PPP2R2B: variants seen among roughly 807,000 people sequenced by gnomAD.
The protein encoded by PPP2R2B is serine/threonine-protein phosphatase 2A 55 kDa regulatory subunit B beta isoform.
Under a neutral mutation model 46.0 loss-of-function variants are expected in PPP2R2B, and 5 were observed. The ratio of observed to expected loss-of-function variants is 0.11; its 90% CI spans 0.06 to 0.23. The LOEUF is 0.23. Among genes scored for constraint, PPP2R2B ranks in the 10% least tolerant of loss-of-function variants. The pLI, the probability that PPP2R2B is intolerant of heterozygous loss-of-function variation, is 1.00. For missense variants in PPP2R2B, 367 were observed against 575.0 expected, an observed-to-expected ratio of 0.64 and a Z score of 3.70; for synonymous variants, 215 against 206.7, an observed-to-expected ratio of 1.04 and a Z score of -0.34.
chr5:147,036,831 T>G (rs1580838455), intron 1 of PPP2R2B, among the ~76,000 whole-genome samples: 1 of 152,292 alleles, frequency 6.6e-6, no homozygotes, highest in South Asian at 2.1e-4. Context: ...TTTGTGAAAT[T>G]TAGTAATGGC....
At chr5:146,659,159 G>T (rs941503655) in intron 5 of PPP2R2B, among the ~76,000 whole-genome samples, 1 of 152,128 alleles carries the variant, frequency 6.6e-6, no homozygotes, top group Non-Finnish European at 1.5e-5. Flanking sequence ...CTTTTAGTGG[G>T]TATTGGTGAG....
At chr5:146,728,652 A>G (rs1752032754) in intron 2 of PPP2R2B, among the ~76,000 whole-genome samples, 1 of 152,084 alleles carries the variant, frequency 6.6e-6, no homozygotes. Flanking sequence ...TGTGGGAGGG[A>G]CCCAGGGGGA....
intron 2 of PPP2R2B, among the ~76,000 whole-genome samples, chr5:147,073,400 C>T (rs555558797): frequency 6.6e-6 from 1 of 152,270 alleles, no homozygotes; most frequent in South Asian, 2.1e-4. Context: ...AGAAAAAATG[C>T]TTTCATCTTG....
At chr5:146,895,990 G>A in intron 1 of PPP2R2B, among the ~76,000 whole-genome samples, 1 of 152,002 alleles carries the variant, frequency 6.6e-6, no homozygotes, top group East Asian at 1.9e-4. Context: ...GGTCATTACT[G>A]TTTGACAATT....
At chr5:147,056,010 C>T (rs1757070512), upstream of PPP2R2B, 3 of 1,307,110 alleles carry the variant, frequency 2.3e-6, no homozygotes, top group African/African-American at 1.5e-5. Context: ...GGCTGAAGCT[C>T]CTCTGAACAG....
intron 2 of PPP2R2B, among the ~76,000 whole-genome samples, chr5:146,833,027 A>C (rs1352966930): frequency 1.3e-5 from 2 of 151,868 alleles, no homozygotes; most frequent in African/African-American, 2.4e-5. Flanking sequence ...TTTCATTCTC[A>C]TTTTCATGCT....
At chr5:146,879,627 C>G (rs1051559982), upstream of PPP2R2B, among the ~76,000 whole-genome samples, 2 of 152,078 alleles carry the variant, frequency 1.3e-5, no homozygotes, top group Non-Finnish European at 2.9e-5. Context: ...AGAGACCTGT[C>G]TTCCTACTTC....
rs913177728 is a variant in PPP2R2B, at chr5:146,589,663, A to G, written c.*284T>C. On this transcript the variant is annotated 3_prime_UTR_variant, in exon 10 of 10. Coordinates refer to ENST00000394411, the MANE Select transcript of PPP2R2B (RefSeq NM_181675.4). ...GAACAAAACACTGGACCCACCAGAG[A>G]AAACTGGGCAATAAAAGCATCAGAA... 10 of 380,374 alleles carry G rather than the reference A, an allele frequency of 2.6e-5. No homozygotes were observed. Among genetic ancestry groups the G allele is most frequent in the Admixed American group, 2.5e-4 (6 of 23,888 alleles). 23.6% of individuals were successfully genotyped at this position (380,374 alleles called of 1,614,324 possible).
chr5:146,961,123 A>G (rs1206051175), intron 1 of PPP2R2B, among the ~76,000 whole-genome samples: 1 of 152,190 alleles, frequency 6.6e-6, no homozygotes, highest in Non-Finnish European at 1.5e-5. Context: ...TACTGTAAAT[A>G]TGTATTTGCA....
intron 7 of PPP2R2B, among the ~76,000 whole-genome samples, chr5:146,624,807 T>C (rs1174062337): frequency 2.6e-5 from 4 of 152,180 alleles, no homozygotes; most frequent in Non-Finnish European, 2.9e-5. Context: ...ATGTAGCTCT[T>C]CCTGCCTCCT....
intron 5 of PPP2R2B, among the ~76,000 whole-genome samples, 157 bp from the exon 6 acceptor site, chr5:146,650,881 G>C (rs529569650): frequency 3.8e-4 from 58 of 152,274 alleles, no homozygotes; most frequent in African/African-American, 1.4e-3. Context: ...ATCACACACT[G>C]TTCTTGTTCC....
chr5:146,960,516 C>T (rs566144930), intron 1 of PPP2R2B, among the ~76,000 whole-genome samples: 9 of 152,230 alleles, frequency 5.9e-5, no homozygotes, highest in Middle Eastern at 3.4e-3. Flanking sequence ...TCTCAAACTC[C>T]TGAACTCGTG....
intron 2 of PPP2R2B, among the ~76,000 whole-genome samples, chr5:146,771,336 G>C (rs1028965629): frequency 6.6e-6 from 1 of 152,162 alleles, no homozygotes; most frequent in African/African-American, 2.4e-5. Flanking sequence ...TAAAGTCTCA[G>C]CTTCTGATCA....
In PPP2R2B at chr5:146,966,721, G is replaced by A. The variant is rs116553875; in HGVS notation, c.79+88944C>T. Reference sequence around the variant, plus strand: ...TAACACTGGGCCTGGCACAGCGTAGGAGCACAAAAATATGTGTAGCCTATA... The same window carrying A: ...TAACACTGGGCCTGGCACAGCGTAGAAGCACAAAAATATGTGTAGCCTATA... On this transcript the variant is annotated intron_variant, in intron 1 of 8. Coordinates refer to the PPP2R2B transcript ENST00000336640. 3.2e-3 allele frequency among the ~76,000 whole-genome samples: 492 copies of A among 152,218 alleles called. 3 individuals carry two copies. The highest frequency in any genetic ancestry group is 6.9e-3 in the Admixed American group (105 of 15,298).
chr5:146,819,874 A>G (rs898387149), intron 2 of PPP2R2B, among the ~76,000 whole-genome samples: 3 of 152,188 alleles, frequency 2.0e-5, no homozygotes, highest in Admixed American at 6.5e-5. Context: ...GTATAATACA[A>G]TGGAGTACTA....
chr5:147,055,702 A>T (rs1757053083), exon 1 of PPP2R2B: 1 of 1,613,042 alleles, frequency 6.2e-7, no homozygotes, highest in South Asian at 1.1e-5. Context: ...TGGTGTTCGG[A>T]GGTCTGAAGA....
chr5:146,940,766 C>A (rs1033718310), intron 1 of PPP2R2B, among the ~76,000 whole-genome samples: 4 of 152,152 alleles, frequency 2.6e-5, no homozygotes, highest in African/African-American at 7.2e-5. Flanking sequence ...ATATCCTCCC[C>A]ATGCATCCAC....
chr5:146,917,066 T>TAA (rs929311009), intron 1 of PPP2R2B, among the ~76,000 whole-genome samples: 2 of 152,194 alleles, frequency 1.3e-5, no homozygotes, highest in African/African-American at 4.8e-5. Context: ...TTATTACAAA[T>TAA]AATCCCTATA....
At position 146,581,680 on chromosome 5, in the gene PPP2R2B, C is replaced by G. The variant is rs1396746674; in HGVS notation, c.*8267G>C. The G allele has an allele frequency of 6.6e-6, 1 of 152,162 alleles. No homozygotes were observed. The highest frequency in any genetic ancestry group is 1.5e-5 in the Non-Finnish European group (1 of 68,040). The allele number at this position is 152,162 out of a possible 1,614,324, so 9.4% of individuals were successfully genotyped here. On this transcript the variant is annotated 3_prime_UTR_variant, in exon 10 of 10. Coordinates refer to ENST00000394411, the MANE Select transcript of PPP2R2B (RefSeq NM_181675.4). ...TCCAGCATAGACTGAAAGGCCATTC[C>G]GCAGTGTATTTCAGATCAGTTCTGT... is the stretch of plus-strand genomic sequence containing the variant.
Sources: allele counts gnomAD v4.1 joint callset (sites outside exome capture counted in the v4.1 genomes callset), GRCh38; gene constraint gnomAD v4.1.1; transcripts MANE v1.5; gene names NCBI Gene and HGNC (gene_info 2026-07-23, HGNC 2026-07-21).